The following LOC128125817 variants were observed in gnomAD, a reference collection of about 807,000 sequenced individuals.
the LOC128125817 span, among the ~76,000 whole-genome samples, chr1:41,621,328 G>T: frequency 6.6e-6 from 1 of 152,200 alleles, no homozygotes. Context: ...GACACACATG[G>T]AGAAATTCTG....
chr1:41,596,640 C>G, the LOC128125817 span, among the ~76,000 whole-genome samples: 1 of 152,210 alleles, frequency 6.6e-6, no homozygotes, highest in Non-Finnish European at 1.5e-5. Flanking sequence ...AACTGACCAC[C>G]TACCATGCCC....
chr1:41,628,275 C>T, the LOC128125817 span, among the ~76,000 whole-genome samples: 12 of 152,294 alleles, frequency 7.9e-5, no homozygotes, highest in African/African-American at 2.6e-4. Flanking sequence ...AGACCTGCTG[C>T]TATGTCTCTA....
chr1:41,597,921 C>T, the LOC128125817 span, among the ~76,000 whole-genome samples: 146,041 of 152,316 alleles, frequency 0.96, 70,057 homozygotes, highest in East Asian at 1. Flanking sequence ...AGCTAATTCA[C>T]CTACTAAGTT....
the LOC128125817 span, among the ~76,000 whole-genome samples, chr1:41,585,981 C>T: frequency 2.6e-5 from 4 of 152,298 alleles, no homozygotes; most frequent in African/African-American, 9.6e-5. Flanking sequence ...CACCCCAGCC[C>T]ATGTTTGAAG....
the LOC128125817 span, among the ~76,000 whole-genome samples, chr1:41,591,152 C>T: frequency 6.6e-6 from 1 of 152,184 alleles, no homozygotes; most frequent in East Asian, 1.9e-4. Flanking sequence ...GACTAGATTC[C>T]AGTCCTGGCT....
the LOC128125817 span, among the ~76,000 whole-genome samples, chr1:41,607,036 G>A: frequency 6.6e-6 from 1 of 151,720 alleles, no homozygotes; most frequent in Non-Finnish European, 1.5e-5. Flanking sequence ...ATTGCTCAGT[G>A]TGGTCTTGAA....
chr1:41,616,501 T>G, the LOC128125817 span, among the ~76,000 whole-genome samples: 1 of 151,688 alleles, frequency 6.6e-6, no homozygotes, highest in South Asian at 2.1e-4. Flanking sequence ...AAGCTCCCAT[T>G]TGAGACTCCA....
At chr1:41,597,909 G>A in the LOC128125817 span, among the ~76,000 whole-genome samples, 1 of 152,166 alleles carries the variant, frequency 6.6e-6, no homozygotes, top group Non-Finnish European at 1.5e-5. Flanking sequence ...CCAGATGCTT[G>A]TAGCTAATTC....
the LOC128125817 span, among the ~76,000 whole-genome samples, chr1:41,616,295 G>A: frequency 1.3e-5 from 2 of 152,234 alleles, no homozygotes; most frequent in Admixed American, 1.3e-4. Flanking sequence ...AATGGGCAGT[G>A]CTGTAGAATT....
chr1:41,593,394 T>G, the LOC128125817 span, among the ~76,000 whole-genome samples: 1 of 152,238 alleles, frequency 6.6e-6, no homozygotes, highest in Non-Finnish European at 1.5e-5. Context: ...CTGTATTCCA[T>G]TTTTGGCTGT....
chr1:41,586,910 C>T, the LOC128125817 span, among the ~76,000 whole-genome samples: 1,925 of 152,016 alleles, frequency 0.013, 54 homozygotes, highest in African/African-American at 0.043. Flanking sequence ...ATAAGAATAA[C>T]AAATCAGAAC....
chr1:41,593,159 T>C, the LOC128125817 span, among the ~76,000 whole-genome samples: 2 of 152,184 alleles, frequency 1.3e-5, 1 homozygote, highest in East Asian at 3.8e-4. Flanking sequence ...AATGAAAAAT[T>C]ACTTGAAAAA....
the LOC128125817 span, among the ~76,000 whole-genome samples, chr1:41,589,410 G>T: frequency 6.6e-6 from 1 of 152,224 alleles, no homozygotes; most frequent in Non-Finnish European, 1.5e-5. Context: ...AAGGAGATCG[G>T]GACTTGCTGG....
the LOC128125817 span, among the ~76,000 whole-genome samples, chr1:41,586,333 A>T: frequency 3.3e-5 from 5 of 151,826 alleles, no homozygotes; most frequent in Admixed American, 2.6e-4. Flanking sequence ...GTCACCATGG[A>T]CTCCATCTCA....
chr1:41,605,712 G>A, the LOC128125817 span, among the ~76,000 whole-genome samples: 2 of 152,042 alleles, frequency 1.3e-5, no homozygotes, highest in East Asian at 1.9e-4. Context: ...GGATCTCACC[G>A]AGCAGAAAAG....
At chr1:41,626,402 G>A in the LOC128125817 span, among the ~76,000 whole-genome samples, 1 of 152,212 alleles carries the variant, frequency 6.6e-6, no homozygotes, top group African/African-American at 2.4e-5. Context: ...CGCTGGAACT[G>A]ACAGCTCATT....
the LOC128125817 span, among the ~76,000 whole-genome samples, chr1:41,605,384 C>CAA: frequency 6.6e-6 from 1 of 151,480 alleles, no homozygotes; most frequent in African/African-American, 2.4e-5. Flanking sequence ...CGCACACACA[C>CAA]ACACACACAC....
the LOC128125817 span, among the ~76,000 whole-genome samples, chr1:41,602,373 T>C: frequency 6.6e-6 from 1 of 152,186 alleles, no homozygotes; most frequent in Non-Finnish European, 1.5e-5. Flanking sequence ...AGCTATCTGG[T>C]CCTGGGCTTT....
the LOC128125817 span, among the ~76,000 whole-genome samples, chr1:41,599,557 C>T: frequency 2.6e-5 from 4 of 152,106 alleles, no homozygotes; most frequent in South Asian, 2.1e-4. Flanking sequence ...AGGCAGTCAA[C>T]GCACCTGAAA....
Sources: allele counts gnomAD v4.1 joint callset (sites outside exome capture counted in the v4.1 genomes callset), GRCh38; gene constraint gnomAD v4.1.1; transcripts MANE v1.5.